The following IK variants were observed in gnomAD, a reference collection of about 807,000 sequenced individuals.
The protein encoded by IK is IK cytokine, also known as protein Red.
In IK, 47 loss-of-function variants were observed where a neutral mutation model predicts 90.9. The observed-to-expected ratio is 0.52, with a 90% CI of 0.41 to 0.66. The LOEUF is 0.66. Among genes scored for constraint, IK ranks in the 30% least tolerant of loss-of-function variants. The probability of loss-of-function intolerance (pLI) is 0.00; values close to 1 mark genes in which losing one functional copy is unlikely to be tolerated. For missense variants in IK, 385 were observed against 709.3 expected (o/e 0.54, Z 5.19); for synonymous variants, 201 against 227.5 (o/e 0.88, Z 1.05).
Position 140,659,416 on chromosome 5 carries a change from T to C in IK, c.1195+83T>C, listed in dbSNP as rs967481650. On this transcript the variant is annotated intron_variant, in intron 13 of 19. Coordinates refer to ENST00000417647, the MANE Select transcript of IK (RefSeq NM_006083.4). ...GGGCTCAGAGCTGGCAACGGTGGGA[T>C]TGGGGGACCTCCTGGTTCTGGGTTC... The C allele has an allele frequency of 4.6e-5, 66 of 1,443,030 alleles. 1 individual carries two copies. Among genetic ancestry groups the C allele is most frequent in the Admixed American group, 8.4e-5 (5 of 59,426 alleles). 89.4% of individuals were successfully genotyped at this position (1,443,030 alleles called of 1,614,324 possible).
rs762449473 is a variant in IK, at chr5:140,658,719, C to T, written c.911-18C>T. On this transcript the variant is annotated intron_variant, in intron 10 of 19. Coordinates refer to ENST00000417647, the MANE Select transcript of IK (RefSeq NM_006083.4). ...TTAACTGAGGAGTATGTTCCTGACT[C>T]CTCTCTTTAAATTTCAGGGAAGCTG... The T allele has an allele frequency of 6.3e-7, 1 of 1,597,806 alleles. No homozygotes were observed. The highest frequency in any genetic ancestry group is 2.2e-5 in the East Asian group (1 of 44,594).
intron 7 of IK, 32 bp from the exon 8 acceptor site, chr5:140,654,649 T>G (rs373920549): frequency 7.8e-5 from 124 of 1,587,256 alleles, no homozygotes; most frequent in Non-Finnish European, 1.0e-4. Context: ...TAGAGCACAT[T>G]TAGCAAAAAT....
At position 140,648,729 on chromosome 5, in the gene IK, G is replaced by T. The variant is rs369668138; in HGVS notation, c.83+192G>T. Among the ~76,000 whole-genome samples, 137 of 146,542 alleles carry T rather than the reference G, an allele frequency of 9.3e-4. 1 individual carries two copies. The highest frequency in any genetic ancestry group is 3.5e-3 in the African/African-American group (132 of 37,800). On this transcript the variant is annotated intron_variant, in intron 2 of 19. Coordinates refer to ENST00000417647, the MANE Select transcript of IK (RefSeq NM_006083.4). Reference sequence around the variant, plus strand: ...GGTATTAGAAGGGAAATTCCTGCAGGAAAGGTGTTAAGTTTTTTTTTTTTT... The same window carrying T: ...GGTATTAGAAGGGAAATTCCTGCAGTAAAGGTGTTAAGTTTTTTTTTTTTT...
At position 140,659,301 on chromosome 5, in the gene IK, T is replaced by G. The variant is rs1327587937; in HGVS notation, c.1177-14T>G. ...TCATGGTAACACTAACTTCACATTT[T>G]GTGTTCTTTCCAGCCCATGGACGTT... On this transcript the variant is annotated splice_polypyrimidine_tract_variant and intron_variant, in intron 12 of 19. Transcript: ENST00000417647. The G allele has an allele frequency of 1.2e-6, 2 of 1,613,796 alleles. No homozygotes were observed.
chr5:140,655,386 T>C (rs935600089), intron 8 of IK, among the ~76,000 whole-genome samples: 4 of 152,240 alleles, frequency 2.6e-5, no homozygotes, highest in Non-Finnish European at 5.9e-5. Context: ...CATGACTTTA[T>C]TGTAGGGATG....
rs1271864878 is a variant in IK at position 140,653,016 on chromosome 5, G to C, written c.276G>C (p.Glu92Asp). The C allele has an allele frequency of 6.2e-7, 1 of 1,613,814 alleles. No individual in the cohort carries two copies. Among genetic ancestry groups the C allele is most frequent in the East Asian group, 2.2e-5 (1 of 44,908 alleles). The stretch of plus-strand genomic sequence containing the variant: ...TACGCCAACAAGAAATTGAGAGAGA[G>C]AGAGAGCTAGCAGAGAAGTACCGGG... ...AKLRQQEIER[E>D]RELAEKYRDR... The change falls in exon 5 of 20, where the codon GAG becomes GAC. Residue 92 changes from glutamate (E) to aspartate (D), a missense_variant. Physicochemically the swap from Glu to Asp is conservative, Grantham distance 45. Around this residue, in one of 8 missense-constraint regions of IK, gnomAD observed 64 missense variants for 144.6 expected, o/e 0.44. Coordinates refer to ENST00000417647, the MANE Select transcript of IK (RefSeq NM_006083.4).
At position 140,654,665 on chromosome 5, in the gene IK, T is replaced by C. The variant is rs561634572; in HGVS notation, c.591-16T>C. On this transcript the variant is annotated splice_polypyrimidine_tract_variant and intron_variant, in intron 7 of 19. Coordinates refer to ENST00000417647, the MANE Select transcript of IK (RefSeq NM_006083.4). ...AGAGCACATTTAGCAAAAATAAAAC[T>C]TTTTTGTCTTTTCAGGAAAGATGAG... 66 of 1,596,454 alleles carry C rather than the reference T, an allele frequency of 4.1e-5. No individual in the cohort carries two copies. Among genetic ancestry groups the C allele is most frequent in the Non-Finnish European group, 5.2e-5 (61 of 1,168,820 alleles).
intron 5 of IK, among the ~76,000 whole-genome samples, chr5:140,653,603 C>A (rs1273754474): frequency 9.7e-4 from 139 of 143,456 alleles, no homozygotes; most frequent in African/African-American, 3.4e-3. Flanking sequence ...CTTTCCCCCA[C>A]CCCCTTTTTT....
intron 9 of IK, 77 bp downstream of exon 9, chr5:140,656,069 C>T: frequency 7.3e-7 from 1 of 1,377,122 alleles, no homozygotes; most frequent in Non-Finnish European, 9.9e-7. Flanking sequence ...CCCCGTGTCC[C>T]TTGTCCACCA....
In IK at chr5:140,652,962, T is replaced by C. The variant is rs537054551; in HGVS notation, c.237-15T>C. On this transcript the variant is annotated splice_polypyrimidine_tract_variant and intron_variant, in intron 4 of 19. Coordinates refer to ENST00000417647, the MANE Select transcript of IK (RefSeq NM_006083.4). ...AGCTGATGAGCCTTATACATTTGCC[T>C]TTCTCTGGTCACAGTTATTATGCCA... 1.2e-6 allele frequency: 2 copies of C among 1,612,390 alleles called. No homozygotes were observed. Among genetic ancestry groups the C allele is most frequent in the East Asian group, 2.2e-5 (1 of 44,876 alleles).
chr5:140,658,917 C>G, intron 11 of IK, 22 bp from the exon 12 acceptor site: 1 of 1,613,276 alleles, frequency 6.2e-7, no homozygotes, highest in Non-Finnish European at 8.5e-7. Context: ...ATTTGGCCAG[C>G]TAGTGATCTC....
intron 14 of IK, 128 bp from the exon 15 acceptor site, chr5:140,659,987 G>T: frequency 1.1e-6 from 1 of 942,560 alleles, no homozygotes; most frequent in East Asian, 2.6e-5. Flanking sequence ...CCTTCCCAGA[G>T]CACCCATAAC....
At chr5:140,654,410 C>A in intron 6 of IK, 106 bp from the exon 7 acceptor site, 1 of 879,698 alleles carries the variant, frequency 1.1e-6, no homozygotes, top group Non-Finnish European at 1.8e-6. Flanking sequence ...AGAACAATAT[C>A]TGTCATGTTT....
rs1757542875 is a variant in IK at position 140,648,590 on chromosome 5, G to A, written c.83+53G>A. On this transcript the variant is annotated intron_variant, in intron 2 of 19. Transcript: ENST00000417647. ...AATGAGTTGGGCAATGAATAGAAAAGTGGTGGTGATGGTGAAAGAATTCTG... is the reference window on the plus strand; with the variant it reads ...AATGAGTTGGGCAATGAATAGAAAAATGGTGGTGATGGTGAAAGAATTCTG... 5 of 1,515,610 alleles carry A rather than the reference G, an allele frequency of 3.3e-6. No homozygotes were observed. In the South Asian group the frequency reaches 4.5e-5, roughly 14 times the overall value. The allele number at this position is 1,515,610 out of a possible 1,614,324, so 93.9% of individuals were successfully genotyped here. A position where few individuals can be genotyped will look rare whatever the true frequency, so the allele number is the denominator to read the frequency against.
intron 2 of IK, chr5:140,648,834 A>T: frequency 2.7e-6 from 1 of 368,782 alleles, no homozygotes; most frequent in Non-Finnish European, 5.0e-6. Context: ...ATAAGGGTAA[A>T]ATCATCTTTT....
In IK at chr5:140,654,557, A is replaced by G; in HGVS notation, c.561A>G (p.Glu187=). The G allele has an allele frequency of 6.3e-7, 1 of 1,590,980 alleles. No individual in the cohort carries two copies. The change falls in exon 7 of 20, where the codon GAA becomes GAG. Residue 187 remains glutamate (E), a synonymous_variant. Coordinates refer to ENST00000417647, the MANE Select transcript of IK (RefSeq NM_006083.4). The part of the protein sequence containing the change: ...EIASKEKEEE[E]LMEKPQKETK... ...CCAGCAAAGAGAAAGAGGAAGAGGA[A>G]CTGATGGAAAAGCCCCAGAAAGAAA... is the stretch of plus-strand genomic sequence containing the variant.
Position 140,648,312 on chromosome 5 carries a change from C to CA in IK, c.17-158dup, listed in dbSNP as rs1386128324. On this transcript the variant is annotated intron_variant, in intron 1 of 19. Transcript: ENST00000417647. ...TAGGGTCCTCTGCTTTGTGCTCCCA[C>CA]AGCTTCTTGTAGTTTCCTATTTCAG... The CA allele has an allele frequency of 1.6e-5, 12 of 751,662 alleles. No homozygotes were observed. In the East Asian group the frequency reaches 2.8e-4, roughly 18 times the overall value. 46.6% of individuals were successfully genotyped at this position (751,662 alleles called of 1,614,324 possible). A position where few individuals can be genotyped will look rare whatever the true frequency, so the allele number is the denominator to read the frequency against.
intron 5 of IK, among the ~76,000 whole-genome samples, 168 bp downstream of exon 5, chr5:140,653,312 A>G (rs1244908244): frequency 1.5e-5 from 2 of 136,318 alleles, no homozygotes; most frequent in African/African-American, 2.8e-5. Flanking sequence ...TTTGAGATGG[A>G]GTCTCGCTCT....
At chr5:140,650,471 A>C (rs538323263) in intron 2 of IK, among the ~76,000 whole-genome samples, 1 of 152,330 alleles carries the variant, frequency 6.6e-6, no homozygotes, top group East Asian at 1.9e-4. Flanking sequence ...CAATTAAAAT[A>C]ATCTCTTGTA....
Sources: allele counts gnomAD v4.1 joint callset (sites outside exome capture counted in the v4.1 genomes callset), GRCh38; gene constraint gnomAD v4.1.1; regional missense constraint gnomAD v4.1.1; transcripts MANE v1.5; gene names NCBI Gene and HGNC (gene_info 2026-07-23, HGNC 2026-07-21).